The following ITFG2 variants were observed in gnomAD, a reference collection of about 807,000 sequenced individuals.
The protein encoded by ITFG2 is KICSTOR complex protein ITFG2.
ITFG2 carries 36 observed loss-of-function variants against 54.4 expected under a neutral mutation model. That is an observed-to-expected ratio of 0.66 (90% confidence interval 0.51 to 0.87). The LOEUF (loss-of-function observed/expected upper bound fraction) is 0.87. Ranked by LOEUF, ITFG2 falls within the 40% of genes least tolerant of loss-of-function variation. The pLI, the probability that ITFG2 is intolerant of heterozygous loss-of-function variation, is 0.00. For missense variants in ITFG2, 524 were observed against 576.7 expected, an observed-to-expected ratio of 0.91 and a Z score of 0.94; for synonymous variants, 211 against 225.4, an observed-to-expected ratio of 0.94 and a Z score of 0.57.
At chr12:2,828,372 G>T, downstream of ITFG2, 1 of 1,614,098 alleles carries the variant, frequency 6.2e-7, no homozygotes, top group Non-Finnish European at 8.5e-7. Flanking sequence ...CGATTGTATT[G>T]GGTGCCTGTG....
intron 2 of ITFG2, among the ~76,000 whole-genome samples, chr12:2,844,852 C>A (rs1235816114): frequency 1.3e-5 from 2 of 152,134 alleles, no homozygotes; most frequent in Non-Finnish European, 2.9e-5. Flanking sequence ...CCATAAACAC[C>A]CAGTAAACAT....
chr12:2,821,278 C>T lies in ITFG2; in HGVS notation c.712C>T (p.Arg238Ter). ...TGTGCACAGGGAGACCCCAGCTGCC[C>T]GAGACGTGGTGCTGCACCAGACATC... ...TDGSRETPAA[R>*]DVVLHQTSGR... Residue 238 changes from arginine to a stop codon, truncating the protein, a stop_gained, in exon 7 of 12, where the codon CGA (arginine) becomes TGA (stop). Coordinates refer to ENST00000228799, the MANE Select transcript of ITFG2 (RefSeq NM_018463.4). LOFTEE classifies it high-confidence loss of function. 4 of 1,607,958 alleles carry T rather than the reference C, an allele frequency of 2.5e-6. No individual in the cohort carries two copies. The highest frequency in any genetic ancestry group is 2.2e-5 in the East Asian group (1 of 44,726).
At chr12:2,836,346 C>T (rs143960180), upstream of ITFG2, among the ~76,000 whole-genome samples, 50 of 152,314 alleles carry the variant, frequency 3.3e-4, 1 homozygote, top group Admixed American at 7.8e-4. Context: ...ATCAGGGAAA[C>T]GCATTGGCCA....
chr12:2,822,657 C>A, intron 9 of ITFG2, 137 bp from the exon 10 acceptor site: 2 of 725,416 alleles, frequency 2.8e-6, no homozygotes, highest in African/African-American at 1.8e-5. Flanking sequence ...TGGCTGTGAG[C>A]ATTATGTGAG....
chr12:2,824,037 C>G (rs1262423130), intron 11 of ITFG2, 53 bp from the exon 12 acceptor site: 6 of 1,613,564 alleles, frequency 3.7e-6, no homozygotes, highest in Admixed American at 1.7e-5. Context: ...AAGCCAGTGG[C>G]CCGGGTGCCC....
At chr12:2,848,682 C>G (rs888911339) in intron 2 of ITFG2, among the ~76,000 whole-genome samples, 3 of 152,226 alleles carry the variant, frequency 2.0e-5, no homozygotes, top group African/African-American at 7.2e-5. Context: ...CAACCAAGCA[C>G]AGCTGTGTCT....
intron 3 of ITFG2, chr12:2,858,869 G>A (rs764047099): frequency 3.1e-6 from 5 of 1,614,168 alleles, no homozygotes; most frequent in Middle Eastern, 3.3e-4. Flanking sequence ...TGCCAAAGGG[G>A]ACGGAGATGA....
intron 2 of ITFG2, 66 bp from the exon 3 acceptor site, chr12:2,817,843 T>C: frequency 1.3e-6 from 2 of 1,496,672 alleles, no homozygotes; most frequent in South Asian, 1.2e-5. Context: ...CTCCTCCTGC[T>C]TCACAGAGAT....
rs1214228509 is a variant in ITFG2, at chr12:2,857,924, T to A, written n.301-88T>A. 2.0e-5 allele frequency: 3 copies of A among 152,470 alleles called. No homozygotes were observed. The East Asian group carries it at 5.8e-4, about 29-fold the overall frequency. 9.4% of individuals were successfully genotyped at this position (152,470 alleles called of 1,614,324 possible). A position where few individuals can be genotyped will look rare whatever the true frequency, so the allele number is the denominator to read the frequency against. On this transcript the variant is annotated intron_variant and non_coding_transcript_variant, in intron 2 of 3. Coordinates refer to the ITFG2 transcript ENST00000537710. ...ATAGCGCACATCTGGGCACCCACACTCTGCTTCAGTTGCATCCATCCTCCC... is the reference window on the plus strand; with the variant it reads ...ATAGCGCACATCTGGGCACCCACACACTGCTTCAGTTGCATCCATCCTCCC...
At chr12:2,859,411 G>T (rs912668409) in intron 3 of ITFG2, 4 of 1,613,908 alleles carry the variant, frequency 2.5e-6, no homozygotes, top group Non-Finnish European at 3.4e-6. Flanking sequence ...GTGGGAGATT[G>T]GGACGAATCC....
chr12:2,848,998 C>T (rs1365816406), intron 2 of ITFG2: 2 of 536,142 alleles, frequency 3.7e-6, no homozygotes, highest in African/African-American at 3.8e-5. Flanking sequence ...CCGCAGTCCT[C>T]CCACCTTCGA....
chr12:2,814,976 ATTT>A (rs774533422), intron 1 of ITFG2, among the ~76,000 whole-genome samples: 2 of 146,476 alleles, frequency 1.4e-5, no homozygotes, highest in Non-Finnish European at 3.0e-5. Flanking sequence ...AAAAATAAAG[ATTT>A]TTTTTTTTTT....
At chr12:2,839,102 A>G (rs1386807291) in intron 1 of ITFG2, among the ~76,000 whole-genome samples, 3 of 152,090 alleles carry the variant, frequency 2.0e-5, no homozygotes, top group African/African-American at 7.2e-5. Context: ...GACCAGCCTA[A>G]CCAATGTAGT....
chr12:2,854,807 A>T, intron 2 of ITFG2: 1 of 1,324,456 alleles, frequency 7.6e-7, no homozygotes, highest in Non-Finnish European at 1.0e-6. Context: ...GGAAGGACAG[A>T]GTCCCGGTTA....
upstream of ITFG2, chr12:2,834,651 G>T: frequency 6.3e-7 from 1 of 1,596,880 alleles, no homozygotes; most frequent in Non-Finnish European, 8.5e-7. Context: ...CCAAGTCCTT[G>T]GAGGTGCCGA....
chr12:2,848,869 A>ACACG (rs1555092582), intron 2 of ITFG2, among the ~76,000 whole-genome samples: 2 of 108,922 alleles, frequency 1.8e-5, no homozygotes, highest in Non-Finnish European at 3.6e-5. Flanking sequence ...CCCAACAGAC[A>ACACG]CACACACGCA....
At chr12:2,819,131 C>T (rs1603482849) in intron 4 of ITFG2, among the ~76,000 whole-genome samples, 1 of 152,096 alleles carries the variant, frequency 6.6e-6, no homozygotes, top group African/African-American at 2.4e-5. Flanking sequence ...GTGTTCGAGA[C>T]CAGCCTGACC....
At chr12:2,816,993 T>C (rs1427275338) in intron 1 of ITFG2, among the ~76,000 whole-genome samples, 1 of 152,198 alleles carries the variant, frequency 6.6e-6, no homozygotes, top group Non-Finnish European at 1.5e-5. Context: ...GATCTTGCCA[T>C]GTTGCCCAGG....
chr12:2,824,189 C>A lies in ITFG2; in HGVS notation c.1340C>A (p.Thr447Asn), dbSNP rs767347515. The change falls in exon 12 of 12, where the codon ACC (threonine) becomes AAC (asparagine). Residue 447 changes from threonine (T) to asparagine (N), a missense_variant. Thr to Asn is a moderately conservative substitution (Grantham distance 65). Coordinates refer to ENST00000228799, the MANE Select transcript of ITFG2 (RefSeq NM_018463.4). ...QCAPSSLQDP[T>N] ...GCTCCCTCAAGCCTCCAGGATCCCA[C>A]CTAGCTGTACTTGCCTCATAGCTGG... 11 of 1,614,048 alleles carry A rather than the reference C, an allele frequency of 6.8e-6. No individual in the cohort carries two copies. Among genetic ancestry groups the A allele is most frequent in the Non-Finnish European group, 8.5e-6 (10 of 1,179,922 alleles).
Sources: allele counts gnomAD v4.1 joint callset (sites outside exome capture counted in the v4.1 genomes callset), GRCh38; gene constraint gnomAD v4.1.1; transcripts MANE v1.5; gene names NCBI Gene and HGNC (gene_info 2026-07-23, HGNC 2026-07-21).